Variants in MAPK10 observed in about 807,000 individuals in gnomAD.
The protein encoded by MAPK10 is mitogen-activated protein kinase 10.
A neutral mutation model predicts 59.3 loss-of-function variants in MAPK10; 25 were observed. That is an observed-to-expected ratio of 0.42 (90% CI 0.31 to 0.59). The LOEUF (loss-of-function observed/expected upper bound fraction) is 0.59. Among genes scored for constraint, MAPK10 ranks in the 20% least tolerant of loss-of-function variants. The probability of loss-of-function intolerance (pLI) is 0.15; values close to 1 mark genes in which losing one functional copy is unlikely to be tolerated. For synonymous variants in MAPK10, 190 were observed against 200.5 expected (o/e 0.95, Z 0.44); for missense variants, 351 against 568.9 (o/e 0.62, Z 3.90).
intron 3 of MAPK10, chr4:86,193,059 G>A (rs12501743): frequency 0.085 from 12,940 of 152,308 alleles, 1,224 homozygotes; most frequent in African/African-American, 0.23. Context: ...AGTTTGCTGG[G>A]GGTCCACTCC....
At chr4:86,366,497 A>T (rs1431106236) in intron 1 of MAPK10, among the ~76,000 whole-genome samples, 3 of 152,152 alleles carry the variant, frequency 2.0e-5, no homozygotes, top group African/African-American at 7.2e-5. Flanking sequence ...AAACCTGAAT[A>T]TCTAGTCCCA....
At chr4:86,287,451 G>A (rs1296953762) in intron 2 of MAPK10, among the ~76,000 whole-genome samples, 3 of 152,014 alleles carry the variant, frequency 2.0e-5, no homozygotes, top group Non-Finnish European at 4.4e-5. Context: ...TTTCTGTATG[G>A]TGATCTTAAG....
intron 1 of MAPK10, among the ~76,000 whole-genome samples, chr4:86,443,608 C>A (rs1291556841): frequency 6.6e-6 from 1 of 151,964 alleles, no homozygotes; most frequent in Admixed American, 6.6e-5. Context: ...TCCCACCACA[C>A]ACACACACAA....
chr4:86,308,233 A>G (rs567581445), intron 2 of MAPK10, among the ~76,000 whole-genome samples: 25 of 152,314 alleles, frequency 1.6e-4, no homozygotes, highest in African/African-American at 5.3e-4. Context: ...AGACTCCTCT[A>G]TTTGTGATCT....
intron 3 of MAPK10, 185 bp downstream of exon 3, chr4:86,194,151 T>C (rs2149316007): frequency 3.4e-6 from 2 of 584,514 alleles, no homozygotes; most frequent in East Asian, 2.8e-5. Flanking sequence ...GTCTTCTGCG[T>C]TGATCTTGCT....
At chr4:86,343,857 AT>A (rs1285891523) in intron 2 of MAPK10, among the ~76,000 whole-genome samples, 1 of 149,300 alleles carries the variant, frequency 6.7e-6, no homozygotes, top group Non-Finnish European at 1.5e-5. Context: ...TCACTAAATT[AT>A]TTTTATTTCT....
At chr4:86,571,944 G>T (rs538097021) in intron 1 of MAPK10, among the ~76,000 whole-genome samples, 4 of 150,756 alleles carry the variant, frequency 2.7e-5, no homozygotes, top group African/African-American at 9.7e-5. Context: ...TTTTTTATTT[G>T]CTAGTTAAAA....
chr4:86,075,062 G>C (rs763852474), intron 9 of MAPK10, among the ~76,000 whole-genome samples: 9,235 of 148,244 alleles, frequency 0.062, 373 homozygotes, highest in African/African-American at 0.11. Context: ...TTTTCATATA[G>C]TCCCATATTT....
rs533619198 is a variant in MAPK10 at position 86,297,609 on chromosome 4, C to A, written c.-7+56921G>T. Among the ~76,000 whole-genome samples the A allele has an allele frequency of 1.2e-4, 19 of 152,282 alleles. 1 individual carries two copies. The South Asian group carries it at 3.7e-3, about 30-fold the overall frequency. On this transcript the variant is annotated intron_variant, in intron 2 of 13. Coordinates refer to ENST00000641462, the MANE Select transcript of MAPK10 (RefSeq NM_138982.4). ...TACAGGCATGGGCCACTGCACCCAG[C>A]CTATATAGAGTTTTATGTCTGTACC... is the stretch of plus-strand genomic sequence containing the variant.
chr4:86,243,460 C>T (rs2092877648), intron 2 of MAPK10, among the ~76,000 whole-genome samples: 1 of 152,208 alleles, frequency 6.6e-6, no homozygotes, highest in South Asian at 2.1e-4. Flanking sequence ...AAAGCCCTCA[C>T]AATGGCCTGA....
At chr4:86,437,284 CTCTCT>C (rs1748877965) in intron 1 of MAPK10, among the ~76,000 whole-genome samples, 1 of 151,160 alleles carries the variant, frequency 6.6e-6, no homozygotes, top group Admixed American at 6.6e-5. Flanking sequence ...ACTAAGGAAG[CTCTCT>C]TCTCTTCTGT....
chr4:86,160,616 C>T (rs1432784265), intron 3 of MAPK10: 2 of 151,992 alleles, frequency 1.3e-5, no homozygotes, highest in East Asian at 1.9e-4. Context: ...GGTTGTCCTA[C>T]AAGAAGTGAG....
intron 1 of MAPK10, among the ~76,000 whole-genome samples, chr4:86,495,001 C>T (rs1754767013): frequency 6.6e-6 from 1 of 151,362 alleles, no homozygotes; most frequent in African/African-American, 2.4e-5. Flanking sequence ...CCCTAAGAAA[C>T]CTTGGCCTTT....
intron 1 of MAPK10, among the ~76,000 whole-genome samples, chr4:86,431,335 A>G: frequency 6.6e-6 from 1 of 152,366 alleles, no homozygotes; most frequent in Middle Eastern, 3.4e-3. Flanking sequence ...AAAGATATTC[A>G]TGACAAGAGA....
At chr4:86,130,335 T>C (rs2060778051) in intron 4 of MAPK10, among the ~76,000 whole-genome samples, 2 of 152,170 alleles carry the variant, frequency 1.3e-5, no homozygotes, top group African/African-American at 2.4e-5. Flanking sequence ...TCATGTGTTA[T>C]AGTCCAGCAA....
intron 2 of MAPK10, among the ~76,000 whole-genome samples, chr4:86,256,324 T>G (rs1337553279): frequency 2.6e-5 from 4 of 152,186 alleles, no homozygotes; most frequent in African/African-American, 9.7e-5. Context: ...CCTACTCATT[T>G]TAATTGCCCA....
At chr4:86,421,267 C>T (rs1364039028) in intron 1 of MAPK10, among the ~76,000 whole-genome samples, 1 of 152,040 alleles carries the variant, frequency 6.6e-6, no homozygotes, top group Non-Finnish European at 1.5e-5. Context: ...ACAATACCTA[C>T]CACTTGATTA....
At chr4:86,573,262 T>A (rs1204816267) in intron 1 of MAPK10, among the ~76,000 whole-genome samples, 2 of 152,222 alleles carry the variant, frequency 1.3e-5, no homozygotes, top group Non-Finnish European at 2.9e-5. Context: ...AGGTTTCACA[T>A]TTTGATCTAT....
intron 1 of MAPK10, among the ~76,000 whole-genome samples, chr4:86,416,564 T>TAAATC (rs1384747099): frequency 6.6e-6 from 1 of 152,218 alleles, no homozygotes; most frequent in Non-Finnish European, 1.5e-5. Context: ...TTTAGGGGAT[T>TAAATC]AGCCAGGGAG....
Sources: allele counts gnomAD v4.1 joint callset (sites outside exome capture counted in the v4.1 genomes callset), GRCh38; gene constraint gnomAD v4.1.1; transcripts MANE v1.5; gene names NCBI Gene and HGNC (gene_info 2026-07-23, HGNC 2026-07-21).